The following PLEKHN1 variants were observed in gnomAD, a reference collection of about 807,000 sequenced individuals.
PLEKHN1 encodes the protein pleckstrin homology domain containing N1, also known as pleckstrin homology domain-containing family N member 1.
PLEKHN1 carries 68 observed loss-of-function variants against 72.8 expected under a neutral mutation model. The observed-to-expected ratio is 0.93, with a 90% CI of 0.77 to 1.14. The LOEUF (loss-of-function observed/expected upper bound fraction) is 1.14. Ranked by LOEUF, PLEKHN1 falls within the 50% of genes most tolerant of loss-of-function variation. The pLI is 0.00. For synonymous variants in PLEKHN1, 454 were observed against 371.6 expected, an observed-to-expected ratio of 1.22 and a Z score of -2.55; for missense variants, 1,015 against 840.5, an observed-to-expected ratio of 1.21 and a Z score of -2.57.
Position 974,025 on chromosome 1 carries a change from C to G in PLEKHN1, c.1627C>G (p.Pro543Ala). 1 of 1,596,866 alleles carries G rather than the reference C, an allele frequency of 6.3e-7. No individual in the cohort carries two copies. Among genetic ancestry groups the G allele is most frequent in the Non-Finnish European group, 8.5e-7 (1 of 1,174,358 alleles). ...RHRGSAKDGG[P>A]QPPDAPQLVS... is the part of the protein sequence containing the mutation. Reference sequence around the variant, plus strand: ...CCGGGGCTCAGCCAAGGATGGGGGGCCGCAGCCCCCAGACGCCCCTCAGCT... The same window carrying G: ...CCGGGGCTCAGCCAAGGATGGGGGGGCGCAGCCCCCAGACGCCCCTCAGCT... Residue 543 changes from proline to alanine, a missense_variant, in exon 14 of 16, where the codon CCG (proline) becomes GCG (alanine). Transcript: ENST00000379410.
Position 972,416 on chromosome 1 carries a change from G to A in PLEKHN1, c.994G>A (p.Gly332Arg), listed in dbSNP as rs762098504. The A allele has an allele frequency of 1.3e-6, 2 of 1,574,806 alleles. No homozygotes were observed. The highest frequency in any genetic ancestry group is 1.2e-5 in the South Asian group (1 of 86,736). Reference sequence around the variant, plus strand: ...GCTGCCTGGTGCCGAGAGCTTCCCAGGGTCGCAGGTGAGGGGTCAATAGGC... The same window carrying A: ...GCTGCCTGGTGCCGAGAGCTTCCCAAGGTCGCAGGTGAGGGGTCAATAGGC... Reference protein sequence around the residue: ...PPLPGAESFPGSQVMGSGRGS... With the variant: ...PPLPGAESFPRSQVMGSGRGS... The change falls in exon 10 of 16, where the codon GGG (glycine) becomes AGG (arginine). Residue 332 changes from glycine (G) to arginine (R), a missense_variant. Transcript: ENST00000379410.
At chr1:971,303 A>ACGCCCCCCC in intron 7 of PLEKHN1, 21 bp from the exon 8 acceptor site, 1 of 1,495,484 alleles carries the variant, frequency 6.7e-7, no homozygotes, top group Non-Finnish European at 9.1e-7. Context: ...TCATCGCCTG[A>ACGCCCCCCC]CCCCACCCCC....
rs201388099 is a variant in PLEKHN1, at chr1:974,583, G to A, written c.*8G>A. 1.1e-4 allele frequency: 182 copies of A among 1,607,098 alleles called. 1 individual carries two copies. In the East Asian group the frequency reaches 2.6e-3, roughly 23 times the overall value. On this transcript the variant is annotated 3_prime_UTR_variant, in exon 16 of 16. Coordinates refer to ENST00000379410, the MANE Select transcript of PLEKHN1 (RefSeq NM_032129.3). ...CTTGTGCAGTGGATCTGATGGCCGC[G>A]GTGAGGTGGGTTCTCAGGACCACCC...
Position 966,764 on chromosome 1 carries a change from C to G in PLEKHN1, c.144C>G (p.Asp48Glu). ...LPGPEAARSG[D>E]AAANKLFHYI... ...GCCCCGAGGCTGCTCGAAGCGGGGA[C>G]GCCGCCGCCAACAAGCTCTTCCACT... The change falls in exon 2 of 16, where the codon GAC becomes GAG. Residue 48 changes from aspartate to glutamate, a missense_variant. Physicochemically the swap from Asp to Glu is conservative, Grantham distance 45 (BLOSUM62 2). Coordinates refer to ENST00000379410, the MANE Select transcript of PLEKHN1 (RefSeq NM_032129.3). 9.5e-6 allele frequency: 15 copies of G among 1,572,372 alleles called. No homozygotes were observed. Among genetic ancestry groups the G allele is most frequent in the Non-Finnish European group, 1.3e-5 (15 of 1,160,012 alleles).
chr1:966,882 C>A, intron 2 of PLEKHN1, 79 bp downstream of exon 2: 2 of 1,431,262 alleles, frequency 1.4e-6, no homozygotes, highest in South Asian at 1.4e-5. Flanking sequence ...CCGTGCAGCT[C>A]AGGGTCTTCC....
intron 12 of PLEKHN1, 27 bp from the exon 13 acceptor site, chr1:973,473 C>G (rs369460825): frequency 1.9e-6 from 3 of 1,609,014 alleles, no homozygotes; most frequent in African/African-American, 1.3e-5. Context: ...AGCCGAGAAG[C>G]CCATTTCTCC....
At chr1:966,913 G>C in intron 2 of PLEKHN1, 110 bp downstream of exon 2, 1 of 1,214,322 alleles carries the variant, frequency 8.2e-7, no homozygotes, top group Non-Finnish European at 1.1e-6. Flanking sequence ...GGGGCGTTCA[G>C]ACCCCGGTAG....
intron 10 of PLEKHN1, 54 bp downstream of exon 10, chr1:972,478 G>A (rs957502233): frequency 9.4e-6 from 14 of 1,493,258 alleles, no homozygotes; most frequent in Middle Eastern, 2.3e-4. Context: ...TAAAAAGGGG[G>A]CAGCAGACCG....
At position 966,663 on chromosome 1, in the gene PLEKHN1, G is replaced by A. The variant is rs372252773; in HGVS notation, c.84-41G>A. The A allele has an allele frequency of 1.4e-4, 219 of 1,584,608 alleles. No individual in the cohort carries two copies. In the African/African-American group the frequency reaches 2.1e-3, roughly 15 times the overall value. On this transcript the variant is annotated intron_variant, in intron 1 of 15. Transcript: ENST00000379410. ...ACCTGGGCGCAGGGCTCCCCCACCC[G>A]CTCCGGGGCCAAGCCACGAGACCCC...
chr1:969,991 C>T (rs571639650), intron 2 of PLEKHN1, among the ~76,000 whole-genome samples: 4 of 151,500 alleles, frequency 2.6e-5, no homozygotes, highest in African/African-American at 9.7e-5. Context: ...CTGTTCTTCA[C>T]GTATGTGTTG....
Position 970,786 on chromosome 1 carries a change from G to T in PLEKHN1, c.484+28G>T. On this transcript the variant is annotated intron_variant, in intron 5 of 15. Transcript: ENST00000379410. The surrounding 1 kb of genome is among the most constrained non-coding windows in gnomAD (Gnocchi z 4.2). The stretch of plus-strand genomic sequence containing the variant: ...GTTTGGGATGCTTCCCGGGCCCCCA[G>T]AGGCACTCCTGACCCAGGACTTGGA... The T allele has an allele frequency of 1.9e-6, 3 of 1,612,720 alleles. No individual in the cohort carries two copies. Among genetic ancestry groups the T allele is most frequent in the Non-Finnish European group, 2.5e-6 (3 of 1,179,904 alleles).
Position 970,376 on chromosome 1 carries a change from A to T in PLEKHN1, c.283A>T (p.Lys95Ter). 1 of 1,613,492 alleles carries T rather than the reference A, an allele frequency of 6.2e-7. No individual in the cohort carries two copies. The highest frequency in any genetic ancestry group is 8.5e-7 in the Non-Finnish European group (1 of 1,179,926). Residue 95 changes from lysine (K) to a stop codon, truncating the protein, a stop_gained, in exon 3 of 16, where the codon AAA becomes TAA. Transcript: ENST00000379410. LOFTEE classifies it high-confidence loss of function. The surrounding 1 kb of genome is among the most constrained non-coding windows in gnomAD (Gnocchi z 4.2). ...GAGGGTGCCTGTGAGGAACCTGGGAAAAGTTGTGCATTACGCCAAGGTCCA... is the reference window on the plus strand; with the variant it reads ...GAGGGTGCCTGTGAGGAACCTGGGATAAGTTGTGCATTACGCCAAGGTCCA... Reference protein sequence around the residue: ...RRRVPVRNLGKVVHYAKVQLR... With the variant: ...RRRVPVRNLG
chr1:966,955 G>A, intron 2 of PLEKHN1, 152 bp downstream of exon 2: 3 of 857,082 alleles, frequency 3.5e-6, no homozygotes, highest in South Asian at 3.6e-5. Flanking sequence ...CCCCGCCCTG[G>A]GGAGCTCATC....
In PLEKHN1 at chr1:972,423, A is replaced by G; in HGVS notation, c.1001A>G (p.Gln334Arg). Residue 334 changes from glutamine to arginine, a missense_variant and splice_region_variant, in exon 10 of 16, where the codon CAG (glutamine) becomes CGG (arginine). Coordinates refer to ENST00000379410, the MANE Select transcript of PLEKHN1 (RefSeq NM_032129.3). Reference protein sequence around the residue: ...LPGAESFPGSQVMGSGRGSLS... With the variant: ...LPGAESFPGSRVMGSGRGSLS... ...GGTGCCGAGAGCTTCCCAGGGTCGC[A>G]GGTGAGGGGTCAATAGGCCCCACAG... The G allele has an allele frequency of 6.4e-7, 1 of 1,568,412 alleles. No homozygotes were observed. The highest frequency in any genetic ancestry group is 1.2e-5 in the South Asian group (1 of 86,216).
At chr1:972,667 C>T (rs1175966391) in intron 10 of PLEKHN1, among the ~76,000 whole-genome samples, 194 bp from the exon 11 acceptor site, 1 of 152,194 alleles carries the variant, frequency 6.6e-6, no homozygotes, top group Non-Finnish European at 1.5e-5. Flanking sequence ...ACTCAGGAGG[C>T]TGAGGCAGGA....
rs760801758 is a variant in PLEKHN1 at position 974,018 on chromosome 1, T to TG, written c.1626dup (p.Pro543AlafsTer60). ...AGAGACACCGGGGCTCAGCCAAGGATGGGGGGCCGCAGCCCCCAGACGCCC... is the reference window on the plus strand; with the variant it reads ...AGAGACACCGGGGCTCAGCCAAGGATGGGGGGGCCGCAGCCCCCAGACGCCC... On this transcript the variant is annotated frameshift_variant, in exon 14 of 16. Coordinates refer to ENST00000379410, the MANE Select transcript of PLEKHN1 (RefSeq NM_032129.3). LOFTEE classifies it high-confidence loss of function. 3.6e-5 allele frequency: 57 copies of TG among 1,599,928 alleles called. No individual in the cohort carries two copies. The highest frequency in any genetic ancestry group is 2.3e-4 in the South Asian group (21 of 89,908).
At chr1:968,464 C>T (rs969614937) in intron 2 of PLEKHN1, among the ~76,000 whole-genome samples, 4 of 152,212 alleles carry the variant, frequency 2.6e-5, no homozygotes, top group African/African-American at 7.2e-5. Context: ...CTACATGTGG[C>T]GTGGATGTGG....
chr1:973,054 G>A (rs1231307751), intron 11 of PLEKHN1, 44 bp downstream of exon 11: 3 of 1,569,560 alleles, frequency 1.9e-6, no homozygotes, highest in African/African-American at 1.3e-5. Context: ...GCAGAAGGCT[G>A]TCGGGTAGGT....
chr1:970,196 A>T lies in PLEKHN1; in HGVS notation c.184-81A>T. The T allele has an allele frequency of 1.4e-6, 2 of 1,474,518 alleles. No individual in the cohort carries two copies. Among genetic ancestry groups the T allele is most frequent in the Non-Finnish European group, 1.8e-6 (2 of 1,084,212 alleles). The allele number at this position is 1,474,518 out of a possible 1,614,324, so 91.3% of individuals were successfully genotyped here. A position where few individuals can be genotyped will look rare whatever the true frequency, so the allele number is the denominator to read the frequency against. On this transcript the variant is annotated intron_variant, in intron 2 of 15. Transcript: ENST00000379410. The surrounding 1 kb of genome is among the most constrained non-coding windows in gnomAD (Gnocchi z 4.2). ...GCTATGCACAGGCAGACCATGCTAT[A>T]GTCCTGTAGCTGTGTGGATGCGAGC...
Sources: allele counts gnomAD v4.1 joint callset (sites outside exome capture counted in the v4.1 genomes callset), GRCh38; gene constraint gnomAD v4.1.1; non-coding constraint Gnocchi (gnomAD v3.1); transcripts MANE v1.5; gene names NCBI Gene and HGNC (gene_info 2026-07-23, HGNC 2026-07-21).